The following GFOD1 variants were observed in gnomAD, a reference collection of about 807,000 sequenced individuals.
The protein encoded by GFOD1 is glucose-fructose oxidoreductase domain-containing protein 1.
Under a neutral mutation model 25.4 loss-of-function variants are expected in GFOD1, and 9 were observed. The observed-to-expected ratio is 0.35, with a 90% CI of 0.21 to 0.62. The LOEUF (loss-of-function observed/expected upper bound fraction) is 0.62, where lower values mean the gene tolerates loss of function less well. GFOD1 is among the 20% of genes least tolerant of loss of function. The probability of loss-of-function intolerance (pLI) is 0.72; values close to 1 mark genes in which losing one functional copy is unlikely to be tolerated. For missense variants in GFOD1, 403 were observed against 556.9 expected, an observed-to-expected ratio of 0.72 and a Z score of 2.78; for synonymous variants, 253 against 245.6, an observed-to-expected ratio of 1.03 and a Z score of -0.28.
chr6:13,484,178 C>G (rs1758815481), intron 1 of GFOD1, among the ~76,000 whole-genome samples: 2 of 152,098 alleles, frequency 1.3e-5, no homozygotes, highest in Non-Finnish European at 1.5e-5. Flanking sequence ...GTCCCTAGCC[C>G]CTTACTTTGA....
intron 1 of GFOD1, among the ~76,000 whole-genome samples, chr6:13,439,877 G>C (rs936710714): frequency 1.3e-5 from 2 of 152,130 alleles, no homozygotes; most frequent in African/African-American, 2.4e-5. Context: ...CCTTGCTCTA[G>C]GATACAGCCT....
At chr6:13,454,713 C>T (rs184290733) in intron 1 of GFOD1, among the ~76,000 whole-genome samples, 10 of 152,296 alleles carry the variant, frequency 6.6e-5, no homozygotes, top group South Asian at 6.2e-4. Context: ...CTCTCTGCCC[C>T]GCAACCCACT....
intron 1 of GFOD1, among the ~76,000 whole-genome samples, chr6:13,473,243 C>G (rs1407599788): frequency 6.6e-6 from 1 of 152,204 alleles, no homozygotes; most frequent in Non-Finnish European, 1.5e-5. Flanking sequence ...AACAAGAGAA[C>G]AGGTGCTCCC....
Position 13,444,525 on chromosome 6 carries a change from C to T in GFOD1, c.253+42113G>A, listed in dbSNP as rs1757971398. ...CTGTTAAAAAAAAAAGAACCTTTCTCTAGAGTTTAAAAAAAATCTGGAAAA... is the reference window on the plus strand; with the variant it reads ...CTGTTAAAAAAAAAAGAACCTTTCTTTAGAGTTTAAAAAAAATCTGGAAAA... On this transcript the variant is annotated intron_variant, in intron 1 of 1. Transcript: ENST00000379287. 2.6e-5 allele frequency among the ~76,000 whole-genome samples: 4 copies of T among 151,800 alleles called. No individual in the cohort carries two copies. The South Asian group carries it at 8.3e-4, about 32-fold the overall frequency.
At chr6:13,366,959 T>G (rs1785059717) in intron 1 of GFOD1, among the ~76,000 whole-genome samples, 1 of 151,936 alleles carries the variant, frequency 6.6e-6, no homozygotes, top group African/African-American at 2.4e-5. Context: ...TATAACATTT[T>G]AAACAGAAAT....
At chr6:13,477,216 G>GTGTGTGTGTGTGTGTGTGT (rs869069113) in intron 1 of GFOD1, among the ~76,000 whole-genome samples, 8 of 140,770 alleles carry the variant, frequency 5.7e-5, no homozygotes, top group Non-Finnish European at 1.1e-4. Context: ...ACCAATAGGG[G>GTGTGTGTGTGTGTGTGTGT]GTGTGTGTGT....
At position 13,364,827 on chromosome 6, in the gene GFOD1, G is replaced by A; in HGVS notation, c.1089C>T (p.Ala363=). Residue 363 remains alanine, a synonymous_variant, in exon 2 of 2, where the codon GCC becomes GCT. Coordinates refer to ENST00000379287, the MANE Select transcript of GFOD1 (RefSeq NM_018988.4). This position sits in a 1 kb window ranked among gnomAD's most constrained non-coding sequence, Gnocchi z 4.1. ...TCAGCTCCGGCTCCTCGGTCATGAT[G>A]GCAATGTTCTGCCACTCGCCCGTCT... The part of the protein sequence containing the change: ...SSQTGEWQNI[A]IMTEEPELSP... 6.2e-7 allele frequency: 1 copy of A among 1,614,052 alleles called. No individual in the cohort carries two copies. Among genetic ancestry groups the A allele is most frequent in the Non-Finnish European group, 8.5e-7 (1 of 1,180,032 alleles).
chr6:13,464,655 G>A (rs926978910), intron 1 of GFOD1, among the ~76,000 whole-genome samples: 1 of 152,196 alleles, frequency 6.6e-6, no homozygotes, highest in South Asian at 2.1e-4. Flanking sequence ...TAGATACTAA[G>A]TAAAGCAGAC....
At chr6:13,391,059 G>A (rs573370072) in intron 1 of GFOD1, among the ~76,000 whole-genome samples, 15 of 152,262 alleles carry the variant, frequency 9.9e-5, no homozygotes, top group Admixed American at 6.5e-4. Flanking sequence ...TGAAGTTAGC[G>A]TAACAGGGAA....
rs62385808 is a variant in GFOD1 at position 13,487,231 on chromosome 6, G to A, written c.-341C>T. On this transcript the variant is annotated 5_prime_UTR_variant, in exon 1 of 2. Coordinates refer to ENST00000379287, the MANE Select transcript of GFOD1 (RefSeq NM_018988.4). This position sits in a 1 kb window ranked among gnomAD's most constrained non-coding sequence, Gnocchi z 4.9. ...GCTCCCGCGGCAGCGCCAGTCCGCTGCGTGCGCCCCGCCAAGGCCGCTCCA... is the reference window on the plus strand; with the variant it reads ...GCTCCCGCGGCAGCGCCAGTCCGCTACGTGCGCCCCGCCAAGGCCGCTCCA... 21,345 of 258,330 alleles carry A rather than the reference G, an allele frequency of 0.083. 1,084 individuals carry two copies. Among genetic ancestry groups the A allele is most frequent in the East Asian group, 0.2 (2,736 of 13,432 alleles). The allele number at this position is 258,330 out of a possible 1,614,324, so 16.0% of individuals were successfully genotyped here. A position where few individuals can be genotyped will look rare whatever the true frequency, so the allele number is the denominator to read the frequency against.
intron 1 of GFOD1, among the ~76,000 whole-genome samples, chr6:13,406,086 T>C (rs187332838): frequency 8.3e-4 from 127 of 152,290 alleles, no homozygotes; most frequent in African/African-American, 2.8e-3. Context: ...TTCTCCCAAC[T>C]GTTATATTTT....
intron 1 of GFOD1, among the ~76,000 whole-genome samples, chr6:13,388,274 A>G (rs1242788353): frequency 6.6e-6 from 1 of 152,236 alleles, no homozygotes; most frequent in African/African-American, 2.4e-5. Flanking sequence ...TTTAAAGTTC[A>G]TATGGAACCA....
rs183589479 is a variant in GFOD1, at chr6:13,366,613, C to T, written c.254-951G>A. Among the ~76,000 whole-genome samples the T allele has an allele frequency of 2.2e-3, 331 of 152,110 alleles. 2 individuals are homozygous for T. Among genetic ancestry groups the T allele is most frequent in the African/African-American group, 7.7e-3 (321 of 41,482 alleles). On this transcript the variant is annotated intron_variant, in intron 1 of 1. Transcript: ENST00000379287. ...CCTCCCAAAGTTCTGGGATTACAGG[C>T]GTGAGCCACTGCGCCCAGCCATTTT... is the stretch of plus-strand genomic sequence containing the variant.
chr6:13,417,286 T>G (rs1786178758), intron 1 of GFOD1, among the ~76,000 whole-genome samples: 1 of 152,164 alleles, frequency 6.6e-6, no homozygotes, highest in Non-Finnish European at 1.5e-5. Context: ...CCCAAATAGC[T>G]GGGACTACAG....
chr6:13,409,954 T>G (rs1786043371), intron 1 of GFOD1, among the ~76,000 whole-genome samples: 1 of 146,312 alleles, frequency 6.8e-6, no homozygotes. Context: ...AGAAAGAAAC[T>G]GAATTGAAAT....
intron 1 of GFOD1, among the ~76,000 whole-genome samples, chr6:13,480,307 A>C (rs1758719711): frequency 6.6e-6 from 1 of 152,216 alleles, no homozygotes; most frequent in African/African-American, 2.4e-5. Context: ...TCAAAAACAG[A>C]GATCATGAAA....
At chr6:13,386,356 A>G (rs1160718568) in intron 1 of GFOD1, among the ~76,000 whole-genome samples, 1 of 152,104 alleles carries the variant, frequency 6.6e-6, no homozygotes, top group African/African-American at 2.4e-5. Context: ...ACACCTGTGC[A>G]CTAGATACAC....
chr6:13,477,216 G>GGT (rs60649261), intron 1 of GFOD1, among the ~76,000 whole-genome samples: 97 of 140,876 alleles, frequency 6.9e-4, no homozygotes, highest in African/African-American at 2.3e-3. Context: ...ACCAATAGGG[G>GGT]GTGTGTGTGT....
intron 1 of GFOD1, among the ~76,000 whole-genome samples, chr6:13,393,866 G>A (rs1414835668): frequency 3.6e-5 from 5 of 140,546 alleles, no homozygotes; most frequent in African/African-American, 1.3e-4. Context: ...TGCAAGCTCC[G>A]CCTCCCGGGT....
Sources: gnomAD v4.1 joint callset for allele counts (sites outside exome capture counted in the v4.1 genomes callset) on GRCh38, gnomAD v4.1.1 for gene constraint, Gnocchi (gnomAD v3.1) non-coding constraint, MANE v1.5 for transcripts, NCBI Gene and HGNC (gene_info 2026-07-23, HGNC 2026-07-21) for gene names.